Variants in RHOT1 observed in about 807,000 individuals in gnomAD.
RHOT1 encodes ras homolog family member T1, also known as mitochondrial Rho GTPase 1.
RHOT1 carries 27 observed loss-of-function variants against 95.3 expected under a neutral mutation model. The ratio of observed to expected loss-of-function variants is 0.28; its 90% CI spans 0.21 to 0.39. RHOT1 has a LOEUF of 0.39. Ranked by LOEUF, RHOT1 falls within the 10% of genes least tolerant of loss-of-function variation. The pLI is 1.00. For synonymous variants in RHOT1, 227 were observed against 263.5 expected, an observed-to-expected ratio of 0.86 and a Z score of 1.34; for missense variants, 578 against 786.7, an observed-to-expected ratio of 0.73 and a Z score of 3.17.
chr17:32,162,952 G>A (rs2033698304), intron 1 of RHOT1, among the ~76,000 whole-genome samples: 1 of 152,154 alleles, frequency 6.6e-6, no homozygotes. Flanking sequence ...GGGAAACTGT[G>A]AGGTGGGCAG....
chr17:32,175,857 A>C (rs1223704381), intron 4 of RHOT1, 105 bp from the exon 5 acceptor site: 1 of 697,344 alleles, frequency 1.4e-6, no homozygotes, highest in Non-Finnish European at 2.2e-6. Flanking sequence ...TTAGCTGTTA[A>C]ATTTTTTCTT....
intron 1 of RHOT1, among the ~76,000 whole-genome samples, chr17:32,149,615 A>ATTTGTGTGTG: frequency 1.2e-5 from 1 of 84,106 alleles, no homozygotes; most frequent in African/African-American, 6.7e-5. Context: ...ATATATATAT[A>ATTTGTGTGTG]TATATATATA....
At chr17:32,146,094 G>A (rs2031285767) in intron 1 of RHOT1, among the ~76,000 whole-genome samples, 1 of 152,116 alleles carries the variant, frequency 6.6e-6, no homozygotes, top group Non-Finnish European at 1.5e-5. Context: ...AGTCCTGTAA[G>A]GCCCTCCACA....
intron 1 of RHOT1, among the ~76,000 whole-genome samples, chr17:32,145,549 T>G (rs1410159736): frequency 6.6e-6 from 1 of 152,192 alleles, no homozygotes; most frequent in Non-Finnish European, 1.5e-5. Flanking sequence ...TTGCAATATC[T>G]CCCTTAACCA....
At chr17:32,199,378 A>G (rs910640532) in intron 12 of RHOT1, 27 bp from the exon 13 acceptor site, 2 of 1,591,114 alleles carry the variant, frequency 1.3e-6, no homozygotes, top group Non-Finnish European at 1.7e-6. Flanking sequence ...AGATATCTAA[A>G]CATTCTGTAT....
chr17:32,155,307 C>T (rs2032836533), intron 1 of RHOT1, among the ~76,000 whole-genome samples: 1 of 151,626 alleles, frequency 6.6e-6, no homozygotes, highest in African/African-American at 2.4e-5. Flanking sequence ...CTACAGGTGC[C>T]CACCACCACG....
chr17:32,192,397 A>G lies in RHOT1; in HGVS notation c.639+98A>G, dbSNP rs942938890. On this transcript the variant is annotated intron_variant, in intron 9 of 19. Coordinates refer to ENST00000545287, the MANE Select transcript of RHOT1 (RefSeq NM_001033566.3). ...TGTTAGCTTAAACAACAAGAACAGT[A>G]TGTTATAAACATAAGTTTCTTTCTC... 12 of 707,596 alleles carry G rather than the reference A, an allele frequency of 1.7e-5. 1 individual carries two copies. Among genetic ancestry groups the G allele is most frequent in the Admixed American group, 1.1e-4 (4 of 34,836 alleles). 43.8% of individuals were successfully genotyped at this position (707,596 alleles called of 1,614,324 possible). A position where few individuals can be genotyped will look rare whatever the true frequency, so the allele number is the denominator to read the frequency against.
intron 1 of RHOT1, among the ~76,000 whole-genome samples, chr17:32,144,535 T>TG (rs1471562812): frequency 2.0e-5 from 3 of 151,864 alleles, no homozygotes; most frequent in African/African-American, 7.3e-5. Flanking sequence ...AGACTCTGTC[T>TG]GAAAAAAAAC....
chr17:32,212,596 C>CA (rs1469233906), intron 19 of RHOT1, among the ~76,000 whole-genome samples: 1 of 152,208 alleles, frequency 6.6e-6, no homozygotes, highest in Non-Finnish European at 1.5e-5. Flanking sequence ...TGCCTTCCTG[C>CA]AAGCCTTCCT....
chr17:32,182,199 A>G (rs765123161), intron 6 of RHOT1, among the ~76,000 whole-genome samples: 2 of 152,186 alleles, frequency 1.3e-5, no homozygotes, highest in African/African-American at 2.4e-5. Context: ...TCACTATTGG[A>G]ATGATCAGGT....
At chr17:32,149,635 A>ATGTATG (rs2031990846) in intron 1 of RHOT1, among the ~76,000 whole-genome samples, 2 of 59,076 alleles carry the variant, frequency 3.4e-5, no homozygotes, top group Non-Finnish European at 6.8e-5. Flanking sequence ...ATATATATAT[A>ATGTATG]TGTGTGTGTG....
At position 32,209,353 on chromosome 17, in the gene RHOT1, G is replaced by A. The variant is rs746903539; in HGVS notation, c.1739+1044G>A. 17 of 1,588,940 alleles carry A rather than the reference G, an allele frequency of 1.1e-5. No homozygotes were observed. The African/African-American group carries it at 2.3e-4, about 21-fold the overall frequency. ...CTCTCATGTATGTTATCTACAGAGA[G>A]GATCATTACAGAGACAGACTCTCCC... On this transcript the variant is annotated intron_variant, in intron 18 of 19. Transcript: ENST00000545287.
intron 1 of RHOT1, among the ~76,000 whole-genome samples, chr17:32,143,299 A>G (rs1211456576): frequency 6.6e-6 from 1 of 152,092 alleles, no homozygotes; most frequent in Non-Finnish European, 1.5e-5. Flanking sequence ...CTCTCTATGT[A>G]TTGACATTAA....
chr17:32,189,979 G>A (rs775887419), intron 8 of RHOT1, among the ~76,000 whole-genome samples: 12 of 151,808 alleles, frequency 7.9e-5, no homozygotes, highest in Non-Finnish European at 1.3e-4. Context: ...TTGGCTTCCC[G>A]AAAGTGTGTG....
chr17:32,187,190 G>A (rs959599675), intron 8 of RHOT1, among the ~76,000 whole-genome samples: 2 of 152,092 alleles, frequency 1.3e-5, no homozygotes, highest in African/African-American at 4.8e-5. Flanking sequence ...GGGAGGCTGA[G>A]GCACGAGAAT....
intron 1 of RHOT1, chr17:32,150,320 G>C (rs972314695): frequency 3.3e-6 from 1 of 305,608 alleles, no homozygotes; most frequent in African/African-American, 2.2e-5. Flanking sequence ...ACTGTAATCT[G>C]TCCCTTTCCA....
intron 19 of RHOT1, among the ~76,000 whole-genome samples, chr17:32,216,115 T>C (rs2038458953): frequency 6.6e-6 from 1 of 152,206 alleles, no homozygotes; most frequent in Non-Finnish European, 1.5e-5. Context: ...GATTTTTATT[T>C]ATTAAGTATT....
intron 1 of RHOT1, among the ~76,000 whole-genome samples, chr17:32,154,788 G>A (rs1213398239): frequency 1.3e-5 from 2 of 151,916 alleles, no homozygotes; most frequent in Middle Eastern, 3.4e-3. Flanking sequence ...CCAGCTACTC[G>A]GGAGGATGAG....
rs1265089912 is a variant in RHOT1, at chr17:32,206,910, T to C, written c.1417T>C (p.Leu473=). The C allele has an allele frequency of 6.4e-7, 1 of 1,570,828 alleles. No individual in the cohort carries two copies. Reference sequence around the variant, plus strand: ...TTTCATTATCTTTTTCTTTTACAAGTTGCATGATATCTCAGAATCGGAATT... The same window carrying C: ...TTTCATTATCTTTTTCTTTTACAAGCTGCATGATATCTCAGAATCGGAATT... ...YVYGQEKYLL[L]HDISESEFLT... The change falls in exon 17 of 20, where the codon TTG becomes CTG. Residue 473 remains leucine (L), a splice_region_variant and synonymous_variant. Transcript: ENST00000545287.
Sources: allele counts gnomAD v4.1 joint callset (sites outside exome capture counted in the v4.1 genomes callset), GRCh38; gene constraint gnomAD v4.1.1; transcripts MANE v1.5; gene names NCBI Gene and HGNC (gene_info 2026-07-23, HGNC 2026-07-21).